ABCA9: variants seen among roughly 807,000 people sequenced by gnomAD.
ABCA9 encodes ATP binding cassette subfamily A member 9, also known as ATP-binding cassette sub-family A member 9.
ABCA9 carries 183 observed loss-of-function variants against 205.3 expected under a neutral mutation model. That is an observed-to-expected ratio of 0.89 (90% confidence interval 0.79 to 1.01). ABCA9 has a LOEUF of 1.01. Ranked by LOEUF, ABCA9 falls within the 50% of genes least tolerant of loss-of-function variation. The pLI is 0.00. For missense variants in ABCA9, 1,805 were observed against 1,912.4 expected (o/e 0.94, Z 1.05); for synonymous variants, 651 against 683.3 (o/e 0.95, Z 0.74).
chr17:69,035,458 G>C, intron 7 of ABCA9, 27 bp from the exon 8 acceptor site: 1 of 1,533,648 alleles, frequency 6.5e-7, no homozygotes, highest in Non-Finnish European at 8.7e-7. Context: ...ACTTCAGCTG[G>C]TATATAATTC....
chr17:69,045,363 T>A (rs1168983883), intron 3 of ABCA9, 27 bp from the exon 4 acceptor site: 3 of 1,589,890 alleles, frequency 1.9e-6, no homozygotes, highest in Non-Finnish European at 1.7e-6. Context: ...ACAAAAGAAA[T>A]AGTTAAGCAA....
At chr17:69,018,237 T>G (rs926464377) in intron 20 of ABCA9, 176 bp downstream of exon 20, 2 of 553,272 alleles carry the variant, frequency 3.6e-6, no homozygotes, top group African/African-American at 4.0e-5. Flanking sequence ...AGAATCTATT[T>G]CTAAAACAAA....
At chr17:69,077,539 T>C in the ABCA9 span, among the ~76,000 whole-genome samples, 1 of 152,218 alleles carries the variant, frequency 6.6e-6, no homozygotes, top group Admixed American at 6.5e-5. Flanking sequence ...AAGTGTCAAA[T>C]TGAAGTCCAA....
At chr17:68,978,061 G>C (rs549120991) in intron 37 of ABCA9, among the ~76,000 whole-genome samples, 2 of 152,292 alleles carry the variant, frequency 1.3e-5, no homozygotes, top group East Asian at 3.9e-4. Flanking sequence ...AATGTTGACA[G>C]TGGGGTGTTA....
intron 18 of ABCA9, 85 bp from the exon 19 acceptor site, chr17:69,020,671 G>C (rs1472793170): frequency 2.3e-6 from 3 of 1,285,872 alleles, no homozygotes; most frequent in Non-Finnish European, 3.3e-6. Context: ...TCCTACAAAG[G>C]TGTCAAAGTT....
chr17:69,018,209 A>G, intron 20 of ABCA9: 1 of 472,536 alleles, frequency 2.1e-6, no homozygotes, highest in Non-Finnish European at 3.6e-6. Context: ...AACAAACATT[A>G]AGGTTAAGTA....
chr17:69,052,169 G>A (rs942116867), intron 1 of ABCA9, among the ~76,000 whole-genome samples: 2 of 152,140 alleles, frequency 1.3e-5, no homozygotes, highest in Non-Finnish European at 2.9e-5. Context: ...CCAGGAGTTA[G>A]AGACTGGCCT....
intron 11 of ABCA9, 63 bp from the exon 12 acceptor site, chr17:69,028,708 C>A: frequency 1.0e-6 from 1 of 990,900 alleles, no homozygotes; most frequent in Non-Finnish European, 1.4e-6. Flanking sequence ...GTCTCTGAAA[C>A]TGTTGTAATT....
At chr17:68,988,722 C>T (rs2069333450) in intron 31 of ABCA9, among the ~76,000 whole-genome samples, 1 of 152,068 alleles carries the variant, frequency 6.6e-6, no homozygotes, top group African/African-American at 2.4e-5. Flanking sequence ...TGGGTGAGGG[C>T]ATTAAATTCG....
At chr17:68,989,265 C>CAT in intron 30 of ABCA9, 147 bp from the exon 31 acceptor site, 1 of 492,226 alleles carries the variant, frequency 2.0e-6, no homozygotes, top group East Asian at 3.2e-5. Flanking sequence ...CTCACACACA[C>CAT]ACACACACAC....
intron 19 of ABCA9, among the ~76,000 whole-genome samples, chr17:69,019,050 GT>G (rs1347209441): frequency 6.6e-6 from 1 of 151,926 alleles, no homozygotes; most frequent in African/African-American, 2.4e-5. Context: ...TCTCCCTTAA[GT>G]TTATTTTCTA....
At chr17:69,022,100 G>T (rs2070830108) in intron 17 of ABCA9, 1 of 213,502 alleles carries the variant, frequency 4.7e-6, no homozygotes, top group Admixed American at 5.8e-5. Flanking sequence ...TGTGTTTTTT[G>T]AAAAACATAT....
intron 37 of ABCA9, 82 bp from the exon 38 acceptor site, chr17:68,976,272 A>C: frequency 8.8e-7 from 1 of 1,133,548 alleles, no homozygotes; most frequent in Non-Finnish European, 1.3e-6. Flanking sequence ...AATACATACA[A>C]GTAGATCTTA....
chr17:68,983,879 AAGAAAAG>A (rs1205393845), intron 35 of ABCA9, 30 bp from the exon 36 acceptor site: 1 of 1,613,752 alleles, frequency 6.2e-7, no homozygotes. Flanking sequence ...AAAGTCAAGC[AAGAAAAG>A]AGAAAAATGT....
chr17:69,052,830 G>T (rs2071950784), intron 1 of ABCA9, among the ~76,000 whole-genome samples: 1 of 152,144 alleles, frequency 6.6e-6, no homozygotes, highest in African/African-American at 2.4e-5. Context: ...TATATATTAG[G>T]GGTTCCCATA....
chr17:69,031,500 AATTTGAGCAAAGATCTGGGGT>A (rs1215982958), intron 10 of ABCA9, among the ~76,000 whole-genome samples: 2 of 152,360 alleles, frequency 1.3e-5, no homozygotes, highest in Non-Finnish European at 1.5e-5. Context: ...TGATGAACAA[AATTTGAGCAAAGATCTGGGGT>A]ATTAGAGATT....
At chr17:69,022,139 G>A (rs947804648) in intron 17 of ABCA9, 13 of 158,646 alleles carry the variant, frequency 8.2e-5, no homozygotes, top group African/African-American at 3.1e-4. Context: ...ATTTATTTTT[G>A]TTATATTACA....
chr17:69,007,545 G>A (rs927692025), intron 25 of ABCA9, among the ~76,000 whole-genome samples: 15 of 152,206 alleles, frequency 9.9e-5, no homozygotes, highest in African/African-American at 3.6e-4. Flanking sequence ...ACTCAGGGGA[G>A]AAGTTAGACC....
intron 4 of ABCA9, 53 bp from the exon 5 acceptor site, chr17:69,044,653 G>A (rs1567969347): frequency 1.3e-6 from 2 of 1,523,518 alleles, no homozygotes; most frequent in Admixed American, 1.9e-5. Context: ...CTTGGCTACA[G>A]AAAAAAACAA....
Sources: allele counts gnomAD v4.1 joint callset (sites outside exome capture counted in the v4.1 genomes callset), GRCh38; gene constraint gnomAD v4.1.1; transcripts MANE v1.5; gene names NCBI Gene and HGNC (gene_info 2026-07-23, HGNC 2026-07-21).